The following ZNF609 variants were observed in gnomAD, a reference collection of about 807,000 sequenced individuals.
ZNF609 encodes zinc finger protein 609.
A neutral mutation model predicts 109.5 loss-of-function variants in ZNF609; 11 were observed. The observed-to-expected ratio is 0.10, with a 90% CI of 0.06 to 0.17. The LOEUF is 0.17. Among genes scored for constraint, ZNF609 ranks in the 10% least tolerant of loss-of-function variants. The probability of loss-of-function intolerance (pLI) is 1.00; values close to 1 mark genes in which losing one functional copy is unlikely to be tolerated. For synonymous variants in ZNF609, 646 were observed against 662.0 expected (o/e 0.98, Z 0.37); for missense variants, 1,559 against 1,772.4 (o/e 0.88, Z 2.16).
At chr15:64,494,665 CA>C (rs1441941403) in intron 1 of ZNF609, among the ~76,000 whole-genome samples, 21 of 152,070 alleles carry the variant, frequency 1.4e-4, no homozygotes, top group African/African-American at 4.6e-4. Flanking sequence ...GCTGGGATTA[CA>C]GGCTCCCGCT....
rs917903373 is a variant in ZNF609, at chr15:64,643,962, G to C, written c.973+20910G>C. On this transcript the variant is annotated intron_variant, in intron 3 of 9. Coordinates refer to ENST00000326648, the MANE Select transcript of ZNF609 (RefSeq NM_015042.2). ...AAAAAAATTTTTTTTTAATTAGCTG[G>C]ACATGGTAGTATGTACCTGTAATCC... Among the ~76,000 whole-genome samples, 7 of 151,958 alleles carry C rather than the reference G, an allele frequency of 4.6e-5. No individual in the cohort carries two copies. In the East Asian group the frequency reaches 9.7e-4, roughly 21 times the overall value.
intron 3 of ZNF609, among the ~76,000 whole-genome samples, chr15:64,661,734 T>C (rs141745978): frequency 1.3e-5 from 2 of 152,322 alleles, no homozygotes; most frequent in East Asian, 3.9e-4. Flanking sequence ...AAGTTGGCTC[T>C]TAATAAACAT....
At chr15:64,678,564 C>T in intron 6 of ZNF609, 82 bp downstream of exon 6, 1 of 1,512,050 alleles carries the variant, frequency 6.6e-7, no homozygotes, top group Non-Finnish European at 8.8e-7. Context: ...TTTTCTTGCT[C>T]AGCCCCAAGG....
chr15:64,511,290 G>A (rs1049360864), intron 2 of ZNF609, among the ~76,000 whole-genome samples: 11 of 151,820 alleles, frequency 7.2e-5, no homozygotes, highest in African/African-American at 2.4e-4. Flanking sequence ...TGGCCAACAT[G>A]GTGAAACTCT....
intron 2 of ZNF609, among the ~76,000 whole-genome samples, chr15:64,610,573 A>G (rs977863922): frequency 2.6e-5 from 4 of 152,174 alleles, no homozygotes; most frequent in African/African-American, 9.7e-5. Flanking sequence ...CGTTGAGTCC[A>G]GGAGTTCAAG....
chr15:64,532,721 A>G (rs1894079573), intron 2 of ZNF609, among the ~76,000 whole-genome samples: 1 of 152,196 alleles, frequency 6.6e-6, no homozygotes, highest in Non-Finnish European at 1.5e-5. Flanking sequence ...TAAGTTGGGA[A>G]ACCCCAGATG....
At chr15:64,554,499 C>T (rs1175325261) in intron 2 of ZNF609, among the ~76,000 whole-genome samples, 1 of 151,698 alleles carries the variant, frequency 6.6e-6, no homozygotes, top group Non-Finnish European at 1.5e-5. Context: ...AACAAAACCA[C>T]AAAAATTAGC....
At chr15:64,579,132 C>A (rs1157568018) in intron 2 of ZNF609, among the ~76,000 whole-genome samples, 1 of 152,052 alleles carries the variant, frequency 6.6e-6, no homozygotes, top group African/African-American at 2.4e-5. Flanking sequence ...GTTCCTCTTT[C>A]CCTCCATCAC....
chr15:64,547,617 A>G (rs1307040766), intron 2 of ZNF609, among the ~76,000 whole-genome samples: 1 of 151,860 alleles, frequency 6.6e-6, no homozygotes, highest in Non-Finnish European at 1.5e-5. Flanking sequence ...GGATGATGGA[A>G]TTACCTCTAG....
intron 1 of ZNF609, among the ~76,000 whole-genome samples, chr15:64,482,433 T>C (rs1244237674): frequency 6.6e-6 from 1 of 151,972 alleles, no homozygotes; most frequent in Non-Finnish European, 1.5e-5. Context: ...CTTGATGAGC[T>C]CAAATTTATC....
In ZNF609 at chr15:64,678,414, G is replaced by C. The variant is rs200825260; in HGVS notation, c.3701G>C (p.Ser1234Thr). 2 of 1,612,802 alleles carry C rather than the reference G, an allele frequency of 1.2e-6. No individual in the cohort carries two copies. Among genetic ancestry groups the C allele is most frequent in the Non-Finnish European group, 1.7e-6 (2 of 1,179,242 alleles). ...CCCTACATGCACGGCTATTCCTACA[G>C]TCAGTCCTACGACCCCAACCACCCC... is the stretch of plus-strand genomic sequence containing the variant. Reference protein sequence around the residue: ...YIPYMHGYSYSQSYDPNHPSY... With the variant: ...YIPYMHGYSYTQSYDPNHPSY... Residue 1234 changes from serine (S) to threonine (T), a missense_variant, in exon 6 of 10, where the codon AGT becomes ACT. Physicochemically the swap from Ser to Thr is moderately conservative, Grantham distance 58 (BLOSUM62 1). This residue lies in a region of ZNF609 where 1,204 missense variants were observed against 1,314.1 expected (regional missense o/e 0.92). Coordinates refer to ENST00000326648, the MANE Select transcript of ZNF609 (RefSeq NM_015042.2).
chr15:64,637,994 T>TTA (rs3057845), intron 3 of ZNF609, among the ~76,000 whole-genome samples: 97,776 of 134,106 alleles, frequency 0.73, 37,566 homozygotes, highest in Non-Finnish European at 0.86. Context: ...GAACCTTGTT[T>TTA]TATATATATA....
intron 1 of ZNF609, among the ~76,000 whole-genome samples, chr15:64,479,058 TC>T (rs1423495981): frequency 2.0e-5 from 3 of 152,144 alleles, no homozygotes; most frequent in Non-Finnish European, 4.4e-5. Context: ...AGTAGGCCCT[TC>T]CAGTTGCAGA....
chr15:64,467,361 T>C (rs1270496725), intron 1 of ZNF609, among the ~76,000 whole-genome samples: 1 of 152,238 alleles, frequency 6.6e-6, no homozygotes, highest in Non-Finnish European at 1.5e-5. Context: ...CTACCCCTTC[T>C]TCAGTCCTTT....
intron 3 of ZNF609, chr15:64,652,976 TTAAC>T (rs1896440306): frequency 6.5e-6 from 1 of 152,716 alleles, no homozygotes; most frequent in African/African-American, 2.4e-5. Flanking sequence ...ATTGCTTCAC[TTAAC>T]TAACCTTAAA....
intron 3 of ZNF609, among the ~76,000 whole-genome samples, chr15:64,645,369 G>A (rs1460086578): frequency 6.6e-6 from 1 of 151,864 alleles, no homozygotes; most frequent in Non-Finnish European, 1.5e-5. Flanking sequence ...GGGATTACAG[G>A]CATGAGCCAT....
At chr15:64,469,047 A>C (rs1418073293) in intron 1 of ZNF609, among the ~76,000 whole-genome samples, 4 of 140,960 alleles carry the variant, frequency 2.8e-5, no homozygotes, top group Non-Finnish European at 6.3e-5. Context: ...AAAAAAAAAA[A>C]AAAAAAAAAC....
At chr15:64,588,651 C>CT (rs71133452) in intron 2 of ZNF609, among the ~76,000 whole-genome samples, 15,687 of 135,736 alleles carry the variant, frequency 0.12, 1,935 homozygotes, top group East Asian at 0.76. Flanking sequence ...GGTCTGTAGT[C>CT]TTTTTTTTTT....
chr15:64,566,906 A>T (rs1894785610), intron 2 of ZNF609, among the ~76,000 whole-genome samples: 1 of 152,210 alleles, frequency 6.6e-6, no homozygotes, highest in Non-Finnish European at 1.5e-5. Context: ...AGTGTCACTC[A>T]GAGGTGAGGA....
Sources: gnomAD v4.1 joint callset for allele counts (sites outside exome capture counted in the v4.1 genomes callset) on GRCh38, gnomAD v4.1.1 for gene constraint, gnomAD v4.1.1 regional missense constraint, MANE v1.5 for transcripts, NCBI Gene and HGNC (gene_info 2026-07-23, HGNC 2026-07-21) for gene names.